The following AGBL4 variants were observed in gnomAD, a reference collection of about 807,000 sequenced individuals.
AGBL4 encodes the protein AGBL carboxypeptidase 4, also known as cytosolic carboxypeptidase 6.
AGBL4 carries 58 observed loss-of-function variants against 66.4 expected under a neutral mutation model. That is an observed-to-expected ratio of 0.87 (90% CI 0.71 to 1.09). AGBL4 has a LOEUF of 1.09. Among genes scored for constraint, AGBL4 ranks in the 50% least tolerant of loss-of-function variants. AGBL4 has a pLI of 0.00. For missense variants in AGBL4, 579 were observed against 631.0 expected, an observed-to-expected ratio of 0.92 and a Z score of 0.88; for synonymous variants, 234 against 222.9, an observed-to-expected ratio of 1.05 and a Z score of -0.44.
At chr1:48,850,111 A>G (rs542359878) in intron 6 of AGBL4, among the ~76,000 whole-genome samples, 1 of 152,322 alleles carries the variant, frequency 6.6e-6, no homozygotes, top group Non-Finnish European at 1.5e-5. Context: ...AGCCTGAAAT[A>G]ACAAATAAAA....
At chr1:48,818,233 T>C in intron 6 of AGBL4, 1 of 717,466 alleles carries the variant, frequency 1.4e-6, no homozygotes, top group Non-Finnish European at 2.6e-6. Context: ...CTGCGTAAAT[T>C]AGTTAATTAC....
chr1:48,773,152 T>C (rs1277897114), intron 6 of AGBL4, among the ~76,000 whole-genome samples: 1 of 152,004 alleles, frequency 6.6e-6, no homozygotes, highest in Non-Finnish European at 1.5e-5. Flanking sequence ...ACAAAAAAAT[T>C]CAGCACACTC....
chr1:49,250,419 C>A (rs1651954092), intron 3 of AGBL4, among the ~76,000 whole-genome samples: 1 of 150,908 alleles, frequency 6.6e-6, no homozygotes, highest in African/African-American at 2.4e-5. Flanking sequence ...GCTGGGAACC[C>A]TGAACTACAC....
Position 49,218,827 on chromosome 1 carries a change from TC to T in AGBL4, c.377+26942del, listed in dbSNP as rs371412058. Reference sequence around the variant, plus strand: ...TAACTGAATCATTGGGGCAGGTCTTTCCCATACCACTCTCATGACAGGGAAT... The same window carrying T: ...TAACTGAATCATTGGGGCAGGTCTTTCCATACCACTCTCATGACAGGGAAT... On this transcript the variant is annotated intron_variant, in intron 4 of 13. Coordinates refer to ENST00000371839, the MANE Select transcript of AGBL4 (RefSeq NM_032785.4). 1.1e-3 allele frequency among the ~76,000 whole-genome samples: 160 copies of T among 152,136 alleles called. 1 individual carries two copies. The highest frequency in any genetic ancestry group is 3.7e-3 in the African/African-American group (154 of 41,504).
chr1:49,253,327 A>G (rs1452843548), intron 3 of AGBL4, among the ~76,000 whole-genome samples: 1 of 152,210 alleles, frequency 6.6e-6, no homozygotes, highest in East Asian at 1.9e-4. Flanking sequence ...ACATATGGTA[A>G]AAGGTTTGAT....
intron 3 of AGBL4, among the ~76,000 whole-genome samples, chr1:49,608,243 G>A (rs1174193685): frequency 6.6e-6 from 1 of 152,084 alleles, no homozygotes; most frequent in Admixed American, 6.6e-5. Context: ...CTAATGCACT[G>A]CTCATATTAA....
chr1:49,213,557 C>A (rs889122084), intron 4 of AGBL4, among the ~76,000 whole-genome samples: 1 of 152,100 alleles, frequency 6.6e-6, no homozygotes, highest in Admixed American at 6.6e-5. Flanking sequence ...TGCCTACTGC[C>A]ATGATTACAG....
chr1:48,868,044 C>A (rs760028169), intron 5 of AGBL4, among the ~76,000 whole-genome samples: 2 of 152,124 alleles, frequency 1.3e-5, no homozygotes, highest in Non-Finnish European at 2.9e-5. Context: ...GGTGAGCAGC[C>A]CTTCTAAAGA....
At chr1:49,362,057 CA>C (rs898949331) in intron 3 of AGBL4, among the ~76,000 whole-genome samples, 9 of 149,940 alleles carry the variant, frequency 6.0e-5, no homozygotes, top group African/African-American at 9.8e-5. Flanking sequence ...ATGCTAAGGA[CA>C]AAAAAAAATA....
chr1:49,274,146 A>C (rs1251827303), intron 3 of AGBL4, among the ~76,000 whole-genome samples: 1 of 152,164 alleles, frequency 6.6e-6, no homozygotes, highest in Non-Finnish European at 1.5e-5. Context: ...ACTTTGGCTA[A>C]ATGAATATTT....
chr1:48,999,051 G>A (rs1424258953), intron 5 of AGBL4, among the ~76,000 whole-genome samples: 1 of 152,222 alleles, frequency 6.6e-6, no homozygotes, highest in Non-Finnish European at 1.5e-5. Flanking sequence ...TTGTTTTACT[G>A]TATGAGAGAT....
chr1:49,526,327 T>A (rs757189493), intron 3 of AGBL4, among the ~76,000 whole-genome samples: 8 of 152,044 alleles, frequency 5.3e-5, no homozygotes, highest in Non-Finnish European at 8.8e-5. Context: ...ACTGCTCTTG[T>A]CCTTGATCTT....
chr1:49,834,566 T>G (rs963232653), intron 2 of AGBL4, among the ~76,000 whole-genome samples: 16 of 152,066 alleles, frequency 1.1e-4, no homozygotes, highest in Non-Finnish European at 8.8e-5. Flanking sequence ...TTTTGTGTCT[T>G]GATCTCCTTC....
At chr1:48,979,789 A>C (rs1418987553) in intron 5 of AGBL4, among the ~76,000 whole-genome samples, 1 of 152,162 alleles carries the variant, frequency 6.6e-6, no homozygotes, top group East Asian at 1.9e-4. Context: ...ATTATTATTT[A>C]ATTGGATATA....
chr1:48,576,187 A>C (rs1461548794), intron 11 of AGBL4, among the ~76,000 whole-genome samples: 1 of 152,200 alleles, frequency 6.6e-6, no homozygotes, highest in Non-Finnish European at 1.5e-5. Context: ...TCCTCCTGTC[A>C]GAACAGCACT....
chr1:49,042,912 T>C (rs947623533), intron 5 of AGBL4, among the ~76,000 whole-genome samples: 2 of 152,202 alleles, frequency 1.3e-5, no homozygotes. Flanking sequence ...TTTTTCATTG[T>C]TTCAATCATT....
At chr1:49,851,092 A>C (rs965114606) in intron 2 of AGBL4, among the ~76,000 whole-genome samples, 1 of 152,160 alleles carries the variant, frequency 6.6e-6, no homozygotes, top group Non-Finnish European at 1.5e-5. Context: ...CGTAATTGAT[A>C]ATACAGTCAA....
chr1:49,069,681 G>A (rs1345486909), intron 4 of AGBL4, among the ~76,000 whole-genome samples: 1 of 151,892 alleles, frequency 6.6e-6, no homozygotes, highest in Non-Finnish European at 1.5e-5. Flanking sequence ...CTCCAGCTGT[G>A]TTCTTGTTGC....
At chr1:48,935,070 G>C (rs1655338781) in intron 5 of AGBL4, among the ~76,000 whole-genome samples, 1 of 152,126 alleles carries the variant, frequency 6.6e-6, no homozygotes, top group African/African-American at 2.4e-5. Context: ...ATCAATTTTG[G>C]TTATAGCCTG....
Sources: allele counts gnomAD v4.1 joint callset (sites outside exome capture counted in the v4.1 genomes callset), GRCh38; gene constraint gnomAD v4.1.1; transcripts MANE v1.5; gene names NCBI Gene and HGNC (gene_info 2026-07-23, HGNC 2026-07-21).